The following CD33 variants were observed in gnomAD, a reference collection of about 807,000 sequenced individuals.
The protein encoded by CD33 is myeloid cell surface antigen CD33.
CD33 carries 25 observed loss-of-function variants against 31.4 expected under a neutral mutation model. The observed-to-expected ratio is 0.80, with a 90% CI of 0.58 to 1.11. The LOEUF is 1.11. Among genes scored for constraint, CD33 ranks in the 50% most tolerant of loss-of-function variants. The pLI is 0.00. For synonymous variants in CD33, 176 were observed against 180.6 expected (o/e 0.97, Z 0.20); for missense variants, 407 against 448.1 (o/e 0.91, Z 0.83).
chr19:51,233,615 C>T (rs971513127), intron 4 of CD33, among the ~76,000 whole-genome samples: 2 of 152,200 alleles, frequency 1.3e-5, no homozygotes, highest in Admixed American at 6.5e-5. Context: ...GGAGTGCACA[C>T]CAAATGCTCC....
At chr19:51,212,149 G>A in the CD33 span, 2 of 476,718 alleles carry the variant, frequency 4.2e-6, no homozygotes, top group South Asian at 3.7e-5. Context: ...CCAGGACTGG[G>A]GCCACTGGTG....
Position 51,226,363 on chromosome 19 carries a change from A to G in CD33, c.745+7A>G. The G allele has an allele frequency of 2.5e-6, 4 of 1,612,636 alleles. No individual in the cohort carries two copies. Among genetic ancestry groups the G allele is most frequent in the Non-Finnish European group, 2.5e-6 (3 of 1,178,682 alleles). ...TTTCCAGGAGATGGCTCAGGTAGGA[A>G]GGAGCCTCCCCGCCTGGGGCTGTTA... On this transcript the variant is annotated splice_region_variant and intron_variant, in intron 4 of 6. Transcript: ENST00000262262.
At chr19:51,237,340 C>T (rs1052046470) in intron 6 of CD33, 59 of 152,302 alleles carry the variant, frequency 3.9e-4, no homozygotes, top group African/African-American at 1.2e-3. Context: ...TAAAATATTC[C>T]TCCTATCGGG....
chr19:51,225,952 A>AG lies in CD33; in HGVS notation c.570dup (p.Thr191AspfsTer108). The AG allele has an allele frequency of 6.2e-7, 1 of 1,613,980 alleles. No individual in the cohort carries two copies. Among genetic ancestry groups the AG allele is most frequent in the Non-Finnish European group, 8.5e-7 (1 of 1,179,986 alleles). ...AGCTGCCCCCACCTCCCTGGGCCCC[A>AG]GGACTACTCACTCCTCGGTGCTCAT... On this transcript the variant is annotated frameshift_variant, in exon 3 of 7. Coordinates refer to ENST00000262262, the MANE Select transcript of CD33 (RefSeq NM_001772.4). LOFTEE classifies it high-confidence loss of function.
At chr19:51,213,898 C>T in the CD33 span, among the ~76,000 whole-genome samples, 11 of 139,172 alleles carry the variant, frequency 7.9e-5, no homozygotes, top group African/African-American at 1.9e-4. Flanking sequence ...CTCGCTCTGT[C>T]GCCCAGGCTT....
upstream of CD33, among the ~76,000 whole-genome samples, chr19:51,224,156 G>A (rs1980824485): frequency 6.6e-6 from 1 of 152,158 alleles, no homozygotes; most frequent in Non-Finnish European, 1.5e-5. Context: ...AAGGATTTAG[G>A]GTGGGAGAGT....
At chr19:51,230,295 C>A (rs2123240014) in intron 4 of CD33, among the ~76,000 whole-genome samples, 1 of 128,516 alleles carries the variant, frequency 7.8e-6, no homozygotes, top group Admixed American at 8.6e-5. Flanking sequence ...ATGGTCGATC[C>A]TTGGGAATGT....
the CD33 span, chr19:51,211,448 T>G: frequency 1.9e-6 from 3 of 1,568,860 alleles, no homozygotes; most frequent in Non-Finnish European, 2.6e-6. Flanking sequence ...TTCCGCCTCC[T>G]TGGGGATCCC....
intron 4 of CD33, among the ~76,000 whole-genome samples, chr19:51,229,330 C>T (rs1056424934): frequency 1.9e-4 from 29 of 152,240 alleles, no homozygotes; most frequent in African/African-American, 6.5e-4. Context: ...CTATGTTCAT[C>T]AGGGATATTG....
chr19:51,232,885 G>C (rs1599872556), intron 4 of CD33, among the ~76,000 whole-genome samples: 1 of 152,228 alleles, frequency 6.6e-6, no homozygotes, highest in Admixed American at 6.5e-5. Context: ...GTTTTGCAGG[G>C]CTGAGATGAA....
chr19:51,219,910 T>G, the CD33 span, among the ~76,000 whole-genome samples: 1 of 152,236 alleles, frequency 6.6e-6, no homozygotes, highest in East Asian at 1.9e-4. Context: ...TTTGATGTGC[T>G]GTTGAATTTG....
At position 51,239,567 on chromosome 19, in the gene CD33, G is replaced by C; in HGVS notation, c.974G>C (p.Cys325Ser). 1.2e-6 allele frequency: 2 copies of C among 1,613,322 alleles called. No homozygotes were observed. Among genetic ancestry groups the C allele is most frequent in the East Asian group, 2.2e-5 (1 of 44,824 alleles). The change falls in exon 7 of 7, where the codon TGT becomes TCT. Residue 325 changes from cysteine to serine, a missense_variant. By Grantham distance (112) the Cys-to-Ser change is moderately radical. Transcript: ENST00000262262. The stretch of plus-strand genomic sequence containing the variant: ...CATGGCCCCACTGAAACCTCAAGCT[G>C]TTCAGGTGCCGCCCCTACTGTGGAG... The part of the protein sequence containing the change: ...KLHGPTETSS[C>S]SGAAPTVEMD...
At chr19:51,238,523 A>G (rs957663132) in intron 6 of CD33, 1 of 152,516 alleles carries the variant, frequency 6.6e-6, no homozygotes, top group Non-Finnish European at 1.5e-5. Flanking sequence ...TGACCAGGAA[A>G]TTGCAGGCTG....
At chr19:51,239,347 ATG>A (rs1982012367) in intron 6 of CD33, 169 bp from the exon 7 acceptor site, 8 of 515,132 alleles carry the variant, frequency 1.6e-5, no homozygotes, top group Non-Finnish European at 2.0e-5. Flanking sequence ...TACGTGCTAC[ATG>A]TGTTAGATAA....
At chr19:51,238,105 G>A (rs2123326078) in intron 6 of CD33, 1 of 152,336 alleles carries the variant, frequency 6.6e-6, no homozygotes, top group Non-Finnish European at 1.5e-5. Context: ...GGATGTCCAA[G>A]AAGACCCCAT....
the CD33 span, chr19:51,211,679 T>C: frequency 9.9e-7 from 1 of 1,014,962 alleles, no homozygotes; most frequent in Non-Finnish European, 1.5e-6. Flanking sequence ...TGGAAGGGGG[T>C]TGGGAATGAA....
chr19:51,213,629 C>G, the CD33 span, among the ~76,000 whole-genome samples: 1 of 151,874 alleles, frequency 6.6e-6, no homozygotes, highest in Non-Finnish European at 1.5e-5. Context: ...CTCCACCTCC[C>G]CAGTCCAAGC....
upstream of CD33, among the ~76,000 whole-genome samples, chr19:51,223,138 T>C (rs1250281151): frequency 6.6e-6 from 1 of 152,066 alleles, no homozygotes; most frequent in Non-Finnish European, 1.5e-5. Flanking sequence ...GAGAGTCACT[T>C]GAGTCTGGGA....
intron 4 of CD33, among the ~76,000 whole-genome samples, chr19:51,229,193 T>C (rs1028247460): frequency 1.3e-5 from 2 of 152,262 alleles, no homozygotes; most frequent in South Asian, 2.1e-4. Context: ...ATGTATAACA[T>C]TTATTGATTT....
Sources: allele counts gnomAD v4.1 joint callset (sites outside exome capture counted in the v4.1 genomes callset), GRCh38; gene constraint gnomAD v4.1.1; transcripts MANE v1.5; gene names NCBI Gene and HGNC (gene_info 2026-07-23, HGNC 2026-07-21).